Variants in PTPRD observed in about 807,000 individuals in gnomAD.
PTPRD encodes the protein receptor-type tyrosine-protein phosphatase delta.
In PTPRD, 34 loss-of-function variants were observed where a neutral mutation model predicts 214.5. That is an observed-to-expected ratio of 0.16 (90% CI 0.12 to 0.21). PTPRD has a LOEUF of 0.21. Ranked by LOEUF, PTPRD falls within the 10% of genes least tolerant of loss-of-function variation. The probability of loss-of-function intolerance (pLI) is 1.00; values close to 1 mark genes in which losing one functional copy is unlikely to be tolerated. For missense variants in PTPRD, 2,545 were observed against 2,398.7 expected, an observed-to-expected ratio of 1.06 and a Z score of -1.27; for synonymous variants, 1,128 against 845.7, an observed-to-expected ratio of 1.33 and a Z score of -5.79.
At chr9:10,477,753 G>T (rs1228835962) in intron 2 of PTPRD, among the ~76,000 whole-genome samples, 1 of 152,030 alleles carries the variant, frequency 6.6e-6, no homozygotes, top group South Asian at 2.1e-4. Flanking sequence ...GTGATACACT[G>T]GATAAAGATA....
intron 2 of PTPRD, among the ~76,000 whole-genome samples, chr9:10,501,885 A>T (rs570272068): frequency 2.5e-4 from 38 of 152,038 alleles, no homozygotes; most frequent in East Asian, 3.9e-4. Flanking sequence ...AAGGAGTATT[A>T]AAAAAATTAC....
chr9:9,587,848 G>C (rs1317340639), intron 7 of PTPRD, among the ~76,000 whole-genome samples: 1 of 151,892 alleles, frequency 6.6e-6, no homozygotes, highest in Non-Finnish European at 1.5e-5. Context: ...GGACTGGGAT[G>C]GGTTGGTGGT....
intron 40 of PTPRD, 82 bp from the exon 41 acceptor site, chr9:8,341,350 T>A (rs1312049474): frequency 1.4e-6 from 2 of 1,401,224 alleles, no homozygotes; most frequent in Non-Finnish European, 1.9e-6. Flanking sequence ...TACCCCAGAT[T>A]TCCCTTTTAG....
At chr9:9,510,090 T>G (rs1325813837) in intron 8 of PTPRD, among the ~76,000 whole-genome samples, 1 of 151,674 alleles carries the variant, frequency 6.6e-6, no homozygotes. Flanking sequence ...AGGATCACCT[T>G]TACCTGTGTA....
At chr9:10,123,524 T>A (rs1362355294) in intron 3 of PTPRD, among the ~76,000 whole-genome samples, 2 of 152,172 alleles carry the variant, frequency 1.3e-5, no homozygotes, top group African/African-American at 2.4e-5. Context: ...TCCTAATTAT[T>A]CTCTATGATC....
chr9:9,848,731 T>A (rs1221204840), intron 5 of PTPRD, among the ~76,000 whole-genome samples: 1 of 152,088 alleles, frequency 6.6e-6, no homozygotes, highest in Non-Finnish European at 1.5e-5. Context: ...CTTCATCATT[T>A]TAATACAAAA....
intron 8 of PTPRD, among the ~76,000 whole-genome samples, chr9:9,490,132 C>G (rs541799718): frequency 1.3e-5 from 2 of 152,124 alleles, no homozygotes; most frequent in African/African-American, 4.8e-5. Context: ...AAAGCAATTG[C>G]CAAACAAGAA....
intron 32 of PTPRD, among the ~76,000 whole-genome samples, chr9:8,462,487 C>T (rs1371084102): frequency 1.3e-5 from 2 of 151,984 alleles, no homozygotes; most frequent in Admixed American, 1.3e-4. Flanking sequence ...CCAAATAAAA[C>T]GTAGATAACT....
chr9:8,854,551 T>A (rs913889798), intron 11 of PTPRD, among the ~76,000 whole-genome samples: 1 of 152,214 alleles, frequency 6.6e-6, no homozygotes, highest in Non-Finnish European at 1.5e-5. Flanking sequence ...GTCACCCTTG[T>A]CAGTTTGAAA....
intron 7 of PTPRD, among the ~76,000 whole-genome samples, chr9:9,618,281 G>A (rs1031629277): frequency 6.6e-6 from 1 of 151,582 alleles, no homozygotes; most frequent in Non-Finnish European, 1.5e-5. Context: ...CGGGAAGACA[G>A]TAGTATTATC....
intron 21 of PTPRD, among the ~76,000 whole-genome samples, chr9:8,509,109 C>T: frequency 6.6e-6 from 1 of 151,996 alleles, no homozygotes; most frequent in East Asian, 1.9e-4. Flanking sequence ...TCCCCAGTAC[C>T]TGCCCAGTGG....
At chr9:9,280,496 G>A (rs1394654430) in intron 9 of PTPRD, among the ~76,000 whole-genome samples, 1 of 151,138 alleles carries the variant, frequency 6.6e-6, no homozygotes, top group Non-Finnish European at 1.5e-5. Context: ...TGAAAAAGTG[G>A]AATTTGAGAT....
At position 8,444,545 on chromosome 9, in the gene PTPRD, GA is replaced by G. The variant is rs202007841; in HGVS notation, c.3988+5179del. Among the ~76,000 whole-genome samples the G allele has an allele frequency of 2.6e-4, 39 of 151,288 alleles. No individual in the cohort carries two copies. In the East Asian group the frequency reaches 6.4e-3, roughly 25 times the overall value. ...AATTTTAAATATGTCAAATAAAAAA[GA>G]AAAAAAAGTGGTGGAATGAAGAGTA... On this transcript the variant is annotated intron_variant, in intron 34 of 45. Coordinates refer to ENST00000381196, the MANE Select transcript of PTPRD (RefSeq NM_002839.4).
intron 14 of PTPRD, among the ~76,000 whole-genome samples, chr9:8,566,370 C>A (rs1458272519): frequency 6.6e-6 from 1 of 152,098 alleles, no homozygotes; most frequent in Admixed American, 6.6e-5. Flanking sequence ...TAACAGACAG[C>A]AGACTAGGAT....
intron 10 of PTPRD, among the ~76,000 whole-genome samples, chr9:9,041,300 A>G (rs2154383660): frequency 6.6e-6 from 1 of 152,062 alleles, no homozygotes; most frequent in South Asian, 2.1e-4. Flanking sequence ...TGTACAGATT[A>G]TTTTGTCACT....
At chr9:9,684,885 A>G (rs2097140598) in intron 7 of PTPRD, among the ~76,000 whole-genome samples, 1 of 151,656 alleles carries the variant, frequency 6.6e-6, no homozygotes, top group Non-Finnish European at 1.5e-5. Flanking sequence ...TTATTGATCC[A>G]CAGCATGTTA....
At chr9:8,388,233 G>C (rs746739494) in intron 37 of PTPRD, among the ~76,000 whole-genome samples, 11 of 152,150 alleles carry the variant, frequency 7.2e-5, no homozygotes, top group Non-Finnish European at 8.8e-5. Flanking sequence ...CAGGCTTAGA[G>C]AAACTTCCAT....
At chr9:9,779,230 A>C (rs1302942902) in intron 5 of PTPRD, among the ~76,000 whole-genome samples, 1 of 152,096 alleles carries the variant, frequency 6.6e-6, no homozygotes, top group East Asian at 1.9e-4. Flanking sequence ...ATTTAAATGT[A>C]AGACTTCAAA....
intron 7 of PTPRD, among the ~76,000 whole-genome samples, chr9:9,705,918 T>C (rs531366329): frequency 3.3e-5 from 5 of 152,152 alleles, no homozygotes; most frequent in Non-Finnish European, 7.4e-5. Flanking sequence ...GTGGAAAGTA[T>C]GTATTAGGCA....
Sources: gnomAD v4.1 joint callset for allele counts (sites outside exome capture counted in the v4.1 genomes callset) on GRCh38, gnomAD v4.1.1 for gene constraint, MANE v1.5 for transcripts, NCBI Gene and HGNC (gene_info 2026-07-23, HGNC 2026-07-21) for gene names.